The following PPP2R5C variants were observed in gnomAD, a reference collection of about 807,000 sequenced individuals.
PPP2R5C encodes the protein serine/threonine-protein phosphatase 2A 56 kDa regulatory subunit gamma isoform.
Under a neutral mutation model 68.9 loss-of-function variants are expected in PPP2R5C, and 7 were observed. That is an observed-to-expected ratio of 0.10 (90% confidence interval 0.06 to 0.19). The LOEUF is 0.19. Among genes scored for constraint, PPP2R5C ranks in the 10% least tolerant of loss-of-function variants. PPP2R5C has a pLI of 1.00. For synonymous variants in PPP2R5C, 210 were observed against 222.2 expected (o/e 0.95, Z 0.49); for missense variants, 348 against 641.3 (o/e 0.54, Z 4.94).
At chr14:101,785,791 T>C (rs1361948949) in intron 2 of PPP2R5C, among the ~76,000 whole-genome samples, 3 of 152,170 alleles carry the variant, frequency 2.0e-5, no homozygotes, top group Non-Finnish European at 2.9e-5. Context: ...CAATCAAAAG[T>C]TTGAAGGAAG....
upstream of PPP2R5C, chr14:101,761,863 G>A: frequency 1.1e-6 from 1 of 928,452 alleles, no homozygotes; most frequent in Non-Finnish European, 1.3e-6. Context: ...GGCGGCAGGG[G>A]CGGCGGCGGC....
chr14:101,765,287 A>G (rs1024178298), intron 2 of PPP2R5C: 2 of 702,534 alleles, frequency 2.8e-6, no homozygotes, highest in Non-Finnish European at 2.6e-6. Flanking sequence ...TTGGCAGATC[A>G]CTGTGTAAAT....
intron 1 of PPP2R5C, among the ~76,000 whole-genome samples, chr14:101,847,682 T>TTTC (rs1555391186): frequency 6.0e-5 from 9 of 149,866 alleles, no homozygotes; most frequent in African/African-American, 2.0e-4. Flanking sequence ...TTTTTTTTTT[T>TTTC]CCTGAGACGG....
chr14:101,834,706 G>A (rs1420340451), intron 1 of PPP2R5C, among the ~76,000 whole-genome samples: 6 of 152,224 alleles, frequency 3.9e-5, no homozygotes, highest in African/African-American at 1.4e-4. Flanking sequence ...TATTAATTTG[G>A]TTATCAGGAG....
chr14:101,831,780 G>A (rs2040758584), intron 1 of PPP2R5C: 1 of 702,184 alleles, frequency 1.4e-6, no homozygotes, highest in Non-Finnish European at 2.6e-6. Flanking sequence ...GGCCGACTGT[G>A]GGACTTGAAT....
chr14:101,899,717 A>G lies in PPP2R5C; in HGVS notation c.853-2002A>G, dbSNP rs1282552037. Reference sequence around the variant, plus strand: ...GTGATTTCCATCTGCTGTGTCCTTAATAGTGATTCCAATACACGCAAAGTG... The same window carrying G: ...GTGATTTCCATCTGCTGTGTCCTTAGTAGTGATTCCAATACACGCAAAGTG... On this transcript the variant is annotated intron_variant, in intron 8 of 13. Transcript: ENST00000334743. This position sits in a 1 kb window ranked among gnomAD's most constrained non-coding sequence, Gnocchi z 4.2. Among the ~76,000 whole-genome samples, 5 of 152,240 alleles carry G rather than the reference A, an allele frequency of 3.3e-5. No individual in the cohort carries two copies. Among genetic ancestry groups the G allele is most frequent in the African/African-American group, 9.6e-5 (4 of 41,468 alleles).
exon 14 of PPP2R5C, chr14:101,925,223 T>G: frequency 6.2e-7 from 1 of 1,613,828 alleles, no homozygotes. Flanking sequence ...AAGAAAGCCT[T>G]GGAAGCTCAC....
intron 1 of PPP2R5C, among the ~76,000 whole-genome samples, chr14:101,829,683 T>C (rs2040617939): frequency 6.6e-6 from 1 of 152,148 alleles, no homozygotes; most frequent in Admixed American, 6.5e-5. Flanking sequence ...GTTTGGTCGG[T>C]GTTTAGACAG....
intron 2 of PPP2R5C, among the ~76,000 whole-genome samples, chr14:101,871,476 C>G (rs2043410004): frequency 2.0e-5 from 3 of 152,160 alleles, no homozygotes; most frequent in Non-Finnish European, 1.5e-5. Context: ...ATCTCCTGAT[C>G]TCGTGATCTG....
intron 2 of PPP2R5C, among the ~76,000 whole-genome samples, chr14:101,774,157 A>C (rs1487469200): frequency 6.6e-6 from 1 of 152,246 alleles, no homozygotes; most frequent in Non-Finnish European, 1.5e-5. Flanking sequence ...TTCTTTGTTC[A>C]CACAGGCAAA....
chr14:101,910,678 C>A (rs1003421573), intron 11 of PPP2R5C, among the ~76,000 whole-genome samples: 2 of 151,346 alleles, frequency 1.3e-5, no homozygotes, highest in Non-Finnish European at 2.9e-5. Flanking sequence ...TAAAAAATAC[C>A]AAAAAAGGGC....
At chr14:101,919,993 C>CCAAAAAAAAAAAA (rs2046928239) in intron 13 of PPP2R5C, among the ~76,000 whole-genome samples, 1 of 117,478 alleles carries the variant, frequency 8.5e-6, no homozygotes, top group African/African-American at 3.6e-5. Context: ...AAAAAAAAAA[C>CCAAAAAAAAAAAA]CAATTCTTAC....
intron 2 of PPP2R5C, among the ~76,000 whole-genome samples, chr14:101,780,401 T>C: frequency 6.6e-6 from 1 of 152,186 alleles, no homozygotes; most frequent in East Asian, 1.9e-4. Context: ...TTGAGAGATA[T>C]GATAGTCAAC....
intron 3 of PPP2R5C, chr14:101,796,977 G>C (rs868741705): frequency 2.8e-6 from 1 of 351,424 alleles, no homozygotes; most frequent in Non-Finnish European, 5.7e-6. Flanking sequence ...ATTCATAAGT[G>C]TACAACTCGG....
intron 1 of PPP2R5C, among the ~76,000 whole-genome samples, chr14:101,844,864 A>C (rs113480979): frequency 6.6e-6 from 1 of 152,160 alleles, no homozygotes; most frequent in Non-Finnish European, 1.5e-5. Context: ...GAGCTACTGC[A>C]TTGTTGGAGC....
intron 3 of PPP2R5C, among the ~76,000 whole-genome samples, chr14:101,790,671 C>T (rs771180297): frequency 2.0e-5 from 3 of 152,216 alleles, no homozygotes; most frequent in Non-Finnish European, 4.4e-5. Context: ...GTATGAGTAA[C>T]AGTGCTGCTG....
Position 101,781,975 on chromosome 14 carries a change from C to G in PPP2R5C, c.94-4043C>G, listed in dbSNP as rs1250615578. On this transcript the variant is annotated intron_variant, in intron 2 of 14. Coordinates refer to the PPP2R5C transcript ENST00000328724. The surrounding 1 kb of genome is among the most constrained non-coding windows in gnomAD (Gnocchi z 6.4). ...CAGCTGCTCCCAAGGGAGCCCCTCG[C>G]CCTCTCTCTCTCCTTCCCTCATTCC... Among the ~76,000 whole-genome samples, 1 of 151,556 alleles carries G rather than the reference C, an allele frequency of 6.6e-6. No individual in the cohort carries two copies. The highest frequency in any genetic ancestry group is 2.4e-5 in the African/African-American group (1 of 41,226).
rs6575883 is a variant in PPP2R5C, at chr14:101,913,533, T to C, written c.1326+1060T>C. Among the ~76,000 whole-genome samples the C allele has an allele frequency of 0.12, 18,012 of 152,246 alleles. 1,527 individuals are homozygous for C. The highest frequency in any genetic ancestry group is 0.3 in the East Asian group (1,552 of 5,178). ...CACCTAAAACAGGTAGCCAGCATTT[T>C]TCTAGCAGTTATTTACTCATGCTGA... On this transcript the variant is annotated intron_variant, in intron 12 of 13. Transcript: ENST00000334743. The surrounding 1 kb of genome is among the most constrained non-coding windows in gnomAD (Gnocchi z 4.1).
At chr14:101,823,953 C>G in intron 1 of PPP2R5C, 3 of 1,288,146 alleles carry the variant, frequency 2.3e-6, no homozygotes, top group Non-Finnish European at 3.0e-6. Flanking sequence ...TAAGGTTGTA[C>G]TTTTAGGGTT....
Sources: allele counts gnomAD v4.1 joint callset (sites outside exome capture counted in the v4.1 genomes callset), GRCh38; gene constraint gnomAD v4.1.1; non-coding constraint Gnocchi (gnomAD v3.1); transcripts MANE v1.5; gene names NCBI Gene and HGNC (gene_info 2026-07-23, HGNC 2026-07-21).